Variants in ALG5 observed in about 807,000 individuals in gnomAD.
ALG5 encodes the protein ALG5 dolichyl-phosphate beta-glucosyltransferase, also known as dolichyl-phosphate beta-glucosyltransferase.
ALG5 carries 26 observed loss-of-function variants against 51.8 expected under a neutral mutation model. That is an observed-to-expected ratio of 0.50 (90% CI 0.37 to 0.70). ALG5 has a LOEUF of 0.70. ALG5 is among the 30% of genes least tolerant of loss of function. The probability of loss-of-function intolerance (pLI) is 0.00; values close to 1 mark genes in which losing one functional copy is unlikely to be tolerated. For missense variants in ALG5, 311 were observed against 399.3 expected (o/e 0.78, Z 1.88); for synonymous variants, 141 against 136.1 (o/e 1.04, Z -0.25).
chr13:36,967,977 G>T, intron 7 of ALG5: 1 of 312,334 alleles, frequency 3.2e-6, no homozygotes. Context: ...GTTAATAACA[G>T]GATTTTTGTT....
intron 6 of ALG5, among the ~76,000 whole-genome samples, chr13:36,972,316 ATTAT>A (rs1243712352): frequency 1.3e-5 from 2 of 152,148 alleles, no homozygotes; most frequent in Non-Finnish European, 1.5e-5. Context: ...AAAATACTAT[ATTAT>A]TTGAGAGAAA....
At chr13:36,984,418 TTTG>T (rs1819008622) in intron 6 of ALG5, among the ~76,000 whole-genome samples, 2 of 152,208 alleles carry the variant, frequency 1.3e-5, no homozygotes, top group South Asian at 4.2e-4. Flanking sequence ...TTAATACCAT[TTTG>T]TTGTTTTGTC....
At chr13:36,988,112 G>A (rs898199025) in intron 5 of ALG5, among the ~76,000 whole-genome samples, 9 of 152,062 alleles carry the variant, frequency 5.9e-5, no homozygotes, top group African/African-American at 2.2e-4. Context: ...TAAAGACCCC[G>A]CCGAGAATTT....
At chr13:36,981,931 A>G (rs2058981412) in intron 6 of ALG5, among the ~76,000 whole-genome samples, 1 of 152,160 alleles carries the variant, frequency 6.6e-6, no homozygotes, top group African/African-American at 2.4e-5. Flanking sequence ...TACTAAAAAT[A>G]CAAAAAAAAA....
chr13:36,974,524 T>C (rs1366424337), intron 6 of ALG5, among the ~76,000 whole-genome samples: 1 of 152,182 alleles, frequency 6.6e-6, no homozygotes, highest in East Asian at 1.9e-4. Context: ...TAGCTCAAAT[T>C]TACTCATGTA....
Position 36,988,966 on chromosome 13 carries a change from T to C in ALG5, c.447+518A>G, listed in dbSNP as rs149681000. On this transcript the variant is annotated intron_variant, in intron 5 of 9. Coordinates refer to ENST00000239891, the MANE Select transcript of ALG5 (RefSeq NM_013338.5). ...CTTCCAGCTTGATTCATAGCTGATA[T>C]GCCTCAGCTGACAGTAACCTCTTTT... 1.6e-4 allele frequency among the ~76,000 whole-genome samples: 25 copies of C among 152,394 alleles called. 1 individual carries two copies. Among genetic ancestry groups the C allele is most frequent in the African/African-American group, 5.8e-4 (24 of 41,604 alleles).
intron 6 of ALG5, among the ~76,000 whole-genome samples, chr13:36,977,683 T>C (rs770151486): frequency 4.0e-5 from 6 of 149,464 alleles, no homozygotes; most frequent in East Asian, 2.0e-4. Context: ...TCCCAGCTAC[T>C]TGGGAGGCTA....
Position 36,965,562 on chromosome 13 carries a change from G to T in ALG5, c.773+13C>A, listed in dbSNP as rs761246382. 9.9e-6 allele frequency: 16 copies of T among 1,611,794 alleles called. No individual in the cohort carries two copies. The highest frequency in any genetic ancestry group is 1.4e-5 in the Non-Finnish European group (16 of 1,178,772). ...CATAAGACAGACTGGATACATTCCA[G>T]TCAGAAACCTACCATCGTTCAACGT... On this transcript the variant is annotated intron_variant, in intron 8 of 9. Transcript: ENST00000239891.
At chr13:36,978,919 T>TAAA (rs371750658) in intron 6 of ALG5, among the ~76,000 whole-genome samples, 5 of 135,324 alleles carry the variant, frequency 3.7e-5, no homozygotes, top group South Asian at 2.4e-4. Context: ...TGGTCTCAAT[T>TAAA]AAAAAAAAAA....
At chr13:36,979,688 T>C (rs2058970500) in intron 6 of ALG5, among the ~76,000 whole-genome samples, 1 of 152,162 alleles carries the variant, frequency 6.6e-6, no homozygotes, top group South Asian at 2.1e-4. Context: ...CTTTTTCATA[T>C]CCATTAATTC....
In ALG5 at chr13:36,949,978, AC is replaced by A; in HGVS notation, c.938del (p.Gly313ValfsTer11). ...LLFIRLRYLT[G>X]AWRLEQTRKM... is the part of the protein sequence containing the mutation. Reference sequence around the variant, plus strand: ...TCCGAGTTTGCTCAAGCCTCCAGGCACCAGTCAAATATCGAAGTCGTATAAA... The same window carrying A: ...TCCGAGTTTGCTCAAGCCTCCAGGCACAGTCAAATATCGAAGTCGTATAAA... On this transcript the variant is annotated frameshift_variant, in exon 10 of 10. Coordinates refer to ENST00000239891, the MANE Select transcript of ALG5 (RefSeq NM_013338.5). LOFTEE classifies it high-confidence loss of function. 6.2e-7 allele frequency: 1 copy of A among 1,613,346 alleles called. No homozygotes were observed. Among genetic ancestry groups the A allele is most frequent in the Admixed American group, 1.7e-5 (1 of 59,686 alleles).
chr13:36,953,212 A>G (rs1246238023), intron 8 of ALG5, among the ~76,000 whole-genome samples: 1 of 152,192 alleles, frequency 6.6e-6, no homozygotes, highest in Non-Finnish European at 1.5e-5. Flanking sequence ...GGTATAATTA[A>G]TACATACATA....
At chr13:36,995,967 C>T (rs181232184) in intron 1 of ALG5, among the ~76,000 whole-genome samples, 1 of 152,152 alleles carries the variant, frequency 6.6e-6, no homozygotes, top group Non-Finnish European at 1.5e-5. Flanking sequence ...CATAGAGACA[C>T]ACACACATAT....
At chr13:36,993,221 AC>A (rs905481705) in intron 4 of ALG5, among the ~76,000 whole-genome samples, 23 of 152,362 alleles carry the variant, frequency 1.5e-4, no homozygotes, top group African/African-American at 5.5e-4. Flanking sequence ...GAAAGGACAC[AC>A]CTGCTTCCCA....
chr13:36,988,029 G>C (rs1021430311), intron 5 of ALG5, among the ~76,000 whole-genome samples: 1 of 152,102 alleles, frequency 6.6e-6, no homozygotes, highest in Non-Finnish European at 1.5e-5. Context: ...TCACATTGCT[G>C]TGCCTTTGTT....
chr13:36,982,835 CT>C (rs1566065121), intron 6 of ALG5, among the ~76,000 whole-genome samples: 2 of 152,184 alleles, frequency 1.3e-5, no homozygotes, highest in Non-Finnish European at 2.9e-5. Flanking sequence ...ATTAATAAAA[CT>C]TACTAAATTT....
chr13:36,976,100 T>A (rs2058949124), intron 6 of ALG5, among the ~76,000 whole-genome samples: 1 of 151,700 alleles, frequency 6.6e-6, no homozygotes, highest in Non-Finnish European at 1.5e-5. Flanking sequence ...AAATAAAACG[T>A]TTGGGGGATG....
chr13:36,963,552 C>A (rs1308079095), intron 8 of ALG5, among the ~76,000 whole-genome samples: 1 of 152,102 alleles, frequency 6.6e-6, no homozygotes, highest in African/African-American at 2.4e-5. Context: ...CTTCTAGAGT[C>A]GTTTCTTAAA....
chr13:36,959,546 A>C (rs1187406253), intron 8 of ALG5, among the ~76,000 whole-genome samples: 1 of 152,144 alleles, frequency 6.6e-6, no homozygotes, highest in Non-Finnish European at 1.5e-5. Context: ...TAAGGCCTAG[A>C]ATTATAATAT....
Sources: gnomAD v4.1 joint callset for allele counts (sites outside exome capture counted in the v4.1 genomes callset) on GRCh38, gnomAD v4.1.1 for gene constraint, MANE v1.5 for transcripts, NCBI Gene and HGNC (gene_info 2026-07-23, HGNC 2026-07-21) for gene names.